NRDE2: variants seen among roughly 807,000 people sequenced by gnomAD.
The protein encoded by NRDE2 is NRDE-2, necessary for RNA interference, domain containing, also known as nuclear exosome regulator NRDE2.
A neutral mutation model predicts 124.2 loss-of-function variants in NRDE2; 76 were observed. The ratio of observed to expected loss-of-function variants is 0.61; its 90% CI spans 0.51 to 0.74. The LOEUF is 0.74. Ranked by LOEUF, NRDE2 falls within the 30% of genes least tolerant of loss-of-function variation. NRDE2 has a pLI of 0.00. For missense variants in NRDE2, 1,314 were observed against 1,417.3 expected (o/e 0.93, Z 1.17); for synonymous variants, 489 against 528.1 (o/e 0.93, Z 1.01).
In NRDE2 at chr14:90,269,376, T is replaced by TC. The variant is rs770192096; in HGVS notation, c.*8959dup. ...GGCGATCAGTTGAGTCTTCATTCCT[T>TC]CCCTTTTTTTTTTTCCAAAGATATG... On this transcript the variant is annotated 3_prime_UTR_variant, in exon 14 of 14. Transcript: ENST00000354366. 62 of 1,557,012 alleles carry TC rather than the reference T, an allele frequency of 4.0e-5. No individual in the cohort carries two copies. Among genetic ancestry groups the TC allele is most frequent in the Non-Finnish European group, 4.6e-5 (53 of 1,155,936 alleles).
In NRDE2 at chr14:90,286,401, T is replaced by C. The variant is rs748199867; in HGVS notation, c.3250A>G (p.Ser1084Gly). The C allele has an allele frequency of 2.1e-5, 34 of 1,614,048 alleles. No homozygotes were observed. Among genetic ancestry groups the C allele is most frequent in the Non-Finnish European group, 2.5e-5 (29 of 1,180,010 alleles). The change falls in exon 12 of 14, where the codon AGT becomes GGT. Residue 1084 changes from serine (S) to glycine (G), a missense_variant. Coordinates refer to ENST00000354366, the MANE Select transcript of NRDE2 (RefSeq NM_017970.4). ...CACAGCAAGGGGCACTGGCTGCCAC[T>C]GTCGCTGCGCATGGCATTTTCAAAC... is the stretch of plus-strand genomic sequence containing the variant. ...ALFENAMRSD[S>G]GSQCPLLWRM... is the part of the protein sequence containing the mutation.
chr14:90,298,398 T>G lies in NRDE2; in HGVS notation c.1546-18A>C. On this transcript the variant is annotated intron_variant, in intron 7 of 13. Transcript: ENST00000354366. ...AATTCCACCTGTTCAGATTTTAGAA[T>G]GGACGTTAGACCTCACTTGTATAAA... The G allele has an allele frequency of 6.2e-7, 1 of 1,613,632 alleles. No individual in the cohort carries two copies. Among genetic ancestry groups the G allele is most frequent in the Non-Finnish European group, 8.5e-7 (1 of 1,179,986 alleles).
At chr14:90,298,623 T>G (rs939774190) in intron 7 of NRDE2, among the ~76,000 whole-genome samples, 4 of 152,200 alleles carry the variant, frequency 2.6e-5, no homozygotes, top group Non-Finnish European at 5.9e-5. Context: ...CACACTCGCA[T>G]GTGAGCTGGA....
intron 6 of NRDE2, chr14:90,301,752 A>G (rs1200499594): frequency 4.4e-6 from 2 of 456,640 alleles, no homozygotes; most frequent in African/African-American, 4.0e-5. Flanking sequence ...TATTCAGTTG[A>G]TCACTAGATG....
chr14:90,313,119 ATTTTTTT>A (rs1207268681), intron 3 of NRDE2, among the ~76,000 whole-genome samples: 2 of 102,264 alleles, frequency 2.0e-5, no homozygotes, highest in Admixed American at 1.2e-4. Context: ...TCTCAGCCTC[ATTTTTTT>A]TTTTTTTTTT....
At chr14:90,315,952 C>T (rs10145902) in intron 3 of NRDE2, among the ~76,000 whole-genome samples, 2,043 of 109,720 alleles carry the variant, frequency 0.019, 45 homozygotes, top group African/African-American at 0.067. Context: ...AGTGAAACCC[C>T]GTCTCAAAAA....
chr14:90,290,662 T>A (rs1174871438), intron 9 of NRDE2, 55 bp from the exon 10 acceptor site: 1 of 1,538,098 alleles, frequency 6.5e-7, no homozygotes, highest in East Asian at 2.3e-5. Flanking sequence ...CCCGCACATT[T>A]GTCACAATTC....
At chr14:90,315,793 T>C (rs1173906985) in intron 3 of NRDE2, among the ~76,000 whole-genome samples, 3 of 150,920 alleles carry the variant, frequency 2.0e-5, no homozygotes, top group Non-Finnish European at 4.4e-5. Flanking sequence ...CCATCTCTAC[T>C]AAAAATACAA....
chr14:90,288,711 G>C lies in NRDE2; in HGVS notation c.2664C>G (p.Asp888Glu). ...YEHALQDCLG[D>E]SCVSNPAPTD... The stretch of plus-strand genomic sequence containing the variant: ...TGGGAGCTGGATTGGAGACACAGCT[G>C]TCACCCAAACAGTCCTGCAGTGCGT... Residue 888 changes from aspartate to glutamate, a missense_variant, in exon 11 of 14, where the codon GAC (aspartate) becomes GAG (glutamate). Transcript: ENST00000354366. The C allele has an allele frequency of 6.2e-7, 1 of 1,614,194 alleles. No homozygotes were observed. Among genetic ancestry groups the C allele is most frequent in the Non-Finnish European group, 8.5e-7 (1 of 1,180,042 alleles).
rs1354933426 is a variant in NRDE2, at chr14:90,288,528, G to C, written c.2847C>G (p.Ala949=). The change falls in exon 11 of 14, where the codon GCC becomes GCG. Residue 949 remains alanine, a synonymous_variant. Coordinates refer to ENST00000354366, the MANE Select transcript of NRDE2 (RefSeq NM_017970.4). ...FPEGSGEGDS[A]SSQSWTSVLE... Reference sequence around the variant, plus strand: ...GAACACTGGTCCAACTCTGGGAGCTGGCACTGTCCCCCTCGCCAGAGCCTT... The same window carrying C: ...GAACACTGGTCCAACTCTGGGAGCTCGCACTGTCCCCCTCGCCAGAGCCTT... 1 of 1,614,182 alleles carries C rather than the reference G, an allele frequency of 6.2e-7. No individual in the cohort carries two copies. The highest frequency in any genetic ancestry group is 1.7e-5 in the Admixed American group (1 of 60,026).
chr14:90,310,304 G>A (rs779104457), intron 4 of NRDE2, among the ~76,000 whole-genome samples: 5 of 152,114 alleles, frequency 3.3e-5, no homozygotes, highest in African/African-American at 7.2e-5. Flanking sequence ...TCAAAGACAC[G>A]CGGGTTCAAA....
intron 1 of NRDE2, among the ~76,000 whole-genome samples, chr14:90,330,608 C>T (rs770527184): frequency 6.6e-6 from 1 of 151,992 alleles, no homozygotes; most frequent in Non-Finnish European, 1.5e-5. Flanking sequence ...CTCAGGAGTT[C>T]GAGACCAGCC....
intron 1 of NRDE2, among the ~76,000 whole-genome samples, chr14:90,328,441 C>A (rs1481903505): frequency 1.3e-5 from 2 of 151,376 alleles, no homozygotes; most frequent in Non-Finnish European, 1.5e-5. Context: ...AATTAGAAAA[C>A]AACCATTTTG....
Position 90,302,978 on chromosome 14 carries a change from G to A in NRDE2, c.1153C>T (p.Leu385=). 1 of 1,613,882 alleles carries A rather than the reference G, an allele frequency of 6.2e-7. No individual in the cohort carries two copies. The highest frequency in any genetic ancestry group is 8.5e-7 in the Non-Finnish European group (1 of 1,179,996). Residue 385 remains leucine, a synonymous_variant, in exon 6 of 14, where the codon CTG becomes TTG. Transcript: ENST00000354366. ...ESNQSSVDLK[L]AKLKLCTEFW... ...TCTGTGCAGAGCTTCAGCTTGGCCA[G>A]TTTCAGATCCACACTGCTCTGGTTG...
chr14:90,283,638 C>G (rs1892015264), intron 12 of NRDE2, among the ~76,000 whole-genome samples: 1 of 151,922 alleles, frequency 6.6e-6, no homozygotes, highest in Admixed American at 6.6e-5. Context: ...ACACACGAGT[C>G]AAACCATAAG....
Position 90,304,148 on chromosome 14 carries a change from A to C in NRDE2, c.792T>G (p.Pro264=), listed in dbSNP as rs1476291283. 1.2e-6 allele frequency: 2 copies of C among 1,614,100 alleles called. No homozygotes were observed. Among genetic ancestry groups the C allele is most frequent in the East Asian group, 2.2e-5 (1 of 44,894 alleles). ...IPVKDLEDAA[P]VTTWLNPLGI... ...CCAGAGGATTCAACCAGGTTGTAAC[A>C]GGAGCCGCATCTTCCAAGTCCTTCA... The change falls in exon 5 of 14, where the codon CCT becomes CCG. Residue 264 remains proline (P), a synonymous_variant. Coordinates refer to ENST00000354366, the MANE Select transcript of NRDE2 (RefSeq NM_017970.4).
Position 90,312,406 on chromosome 14 carries a change from C to G in NRDE2, c.545G>C (p.Gly182Ala), listed in dbSNP as rs140561979. The G allele has an allele frequency of 1.1e-5, 17 of 1,613,664 alleles. No individual in the cohort carries two copies. The African/African-American group carries it at 2.0e-4, about 19-fold the overall frequency. ...ACAAGGTGACTACCTTGCTATATCC[C>G]CTCGGTAGAGAGACTTGTACTCCCA... The part of the protein sequence containing the change: ...ANWEYKSLYR[G>A]DIARYKRKGD... The change falls in exon 4 of 14, where the codon GGG becomes GCG. Residue 182 changes from glycine (G) to alanine (A), a missense_variant. Physicochemically the swap from Gly to Ala is moderately conservative, Grantham distance 60. Coordinates refer to ENST00000354366, the MANE Select transcript of NRDE2 (RefSeq NM_017970.4).
chr14:90,308,779 C>T (rs989563472), intron 4 of NRDE2, among the ~76,000 whole-genome samples: 2 of 152,114 alleles, frequency 1.3e-5, no homozygotes, highest in African/African-American at 4.8e-5. Context: ...TGCAGTGGAC[C>T]CACAGCTCGC....
Position 90,290,450 on chromosome 14 carries a change from A to C in NRDE2, c.2000T>G (p.Phe667Cys), listed in dbSNP as rs762774306. ...LYLAMDENSI[F>C]DNGLYDEKPL... is the part of the protein sequence containing the mutation. Reference sequence around the variant, plus strand: ...CTTTTCATCATAAAGTCCATTATCAAAGATGCTGTTCTCATCCATGGCCAG... The same window carrying C: ...CTTTTCATCATAAAGTCCATTATCACAGATGCTGTTCTCATCCATGGCCAG... Residue 667 changes from phenylalanine to cysteine, a missense_variant, in exon 10 of 14, where the codon TTT (phenylalanine) becomes TGT (cysteine). Phe to Cys is a radical substitution (Grantham distance 205). Transcript: ENST00000354366. 2 of 1,614,102 alleles carry C rather than the reference A, an allele frequency of 1.2e-6. No individual in the cohort carries two copies. Among genetic ancestry groups the C allele is most frequent in the Non-Finnish European group, 1.7e-6 (2 of 1,180,018 alleles).
Sources: gnomAD v4.1 joint callset for allele counts (sites outside exome capture counted in the v4.1 genomes callset) on GRCh38, gnomAD v4.1.1 for gene constraint, MANE v1.5 for transcripts, NCBI Gene and HGNC (gene_info 2026-07-23, HGNC 2026-07-21) for gene names.